Variants in ARHGAP42 observed in about 807,000 individuals in gnomAD.
ARHGAP42 encodes rho GTPase-activating protein 42.
In ARHGAP42, 63 loss-of-function variants were observed where a neutral mutation model predicts 125.0. That is an observed-to-expected ratio of 0.50 (90% CI 0.41 to 0.62). The LOEUF is 0.62. Ranked by LOEUF, ARHGAP42 falls within the 20% of genes least tolerant of loss-of-function variation. The pLI, the probability that ARHGAP42 is intolerant of heterozygous loss-of-function variation, is 0.00. For synonymous variants in ARHGAP42, 339 were observed against 351.0 expected, an observed-to-expected ratio of 0.97 and a Z score of 0.38; for missense variants, 766 against 1,024.2, an observed-to-expected ratio of 0.75 and a Z score of 3.44.
intron 1 of ARHGAP42, among the ~76,000 whole-genome samples, chr11:100,735,271 CA>C (rs1862042134): frequency 6.6e-6 from 1 of 152,208 alleles, no homozygotes; most frequent in Admixed American, 6.5e-5. Context: ...CCAATGCCAT[CA>C]GATAAATTCT....
chr11:100,717,101 G>A (rs1224523593), intron 1 of ARHGAP42, among the ~76,000 whole-genome samples: 1 of 152,170 alleles, frequency 6.6e-6, no homozygotes, highest in Non-Finnish European at 1.5e-5. Flanking sequence ...CCACGGAGAA[G>A]CAGTCTTGGT....
intron 1 of ARHGAP42, among the ~76,000 whole-genome samples, chr11:100,699,502 ATATATTTTTTTTTTTTTTTTTTTTTTTT>A (rs1214934352): frequency 4.9e-5 from 2 of 40,926 alleles, no homozygotes; most frequent in Non-Finnish European, 9.3e-5. Flanking sequence ...ATATATATAT[ATATATTTTTTTTTTTTTTTTTTTTTTTT>A]TTTTTTTTTG....
rs147262580 is a variant in ARHGAP42, at chr11:100,859,380, C to T, written c.313-174C>T. On this transcript the variant is annotated intron_variant, in intron 3 of 23. Coordinates refer to ENST00000298815, the MANE Select transcript of ARHGAP42 (RefSeq NM_152432.4). Reference sequence around the variant, plus strand: ...TGTTAGGATCAAGGGAAATAATATGCGAAAACAGCTTAATTATATAGTAGA... The same window carrying T: ...TGTTAGGATCAAGGGAAATAATATGTGAAAACAGCTTAATTATATAGTAGA... 2.2e-3 allele frequency: 1,020 copies of T among 456,146 alleles called. 10 individuals carry two copies. The highest frequency in any genetic ancestry group is 0.019 in the African/African-American group (910 of 48,880). The allele number at this position is 456,146 out of a possible 1,614,324, so 28.3% of individuals were successfully genotyped here.
intron 4 of ARHGAP42, among the ~76,000 whole-genome samples, chr11:100,882,142 G>A (rs997670800): frequency 6.6e-6 from 1 of 152,178 alleles, no homozygotes; most frequent in African/African-American, 2.4e-5. Flanking sequence ...AAGAGGAGTG[G>A]TGACAGTGGG....
Position 100,934,844 on chromosome 11 carries a change from T to G in ARHGAP42, c.703-1359T>G, listed in dbSNP as rs538594579. Among the ~76,000 whole-genome samples, 10 of 152,312 alleles carry G rather than the reference T, an allele frequency of 6.6e-5. No homozygotes were observed. In the South Asian group the frequency reaches 1.7e-3, roughly 25 times the overall value. ...GGGATTTATTCCCTTGTGTTTTGAG[T>G]TTTAGCTTTTATTTGACTTAGATTT... On this transcript the variant is annotated intron_variant, in intron 7 of 23. Transcript: ENST00000298815.
At chr11:100,971,562 A>C (rs1188718350) in intron 17 of ARHGAP42, among the ~76,000 whole-genome samples, 2 of 152,176 alleles carry the variant, frequency 1.3e-5, no homozygotes, top group East Asian at 3.9e-4. Context: ...TAAAAAGAAA[A>C]TCAGTCATTA....
rs1858342108 is a variant in ARHGAP42 at position 100,974,623 on chromosome 11, G to C, written c.1855+20G>C. 1 of 1,533,754 alleles carries C rather than the reference G, an allele frequency of 6.5e-7. No individual in the cohort carries two copies. Among genetic ancestry groups the C allele is most frequent in the South Asian group, 1.2e-5 (1 of 82,160 alleles). On this transcript the variant is annotated intron_variant, in intron 19 of 23. Transcript: ENST00000298815. ...CTGATAGTAAGTGCACCCGGCCTTA[G>C]GGAGATGCTTTCTTCATTCTTTGGT...
intron 8 of ARHGAP42, among the ~76,000 whole-genome samples, chr11:100,936,777 C>T (rs1867749307): frequency 2.0e-5 from 3 of 152,152 alleles, no homozygotes; most frequent in African/African-American, 7.2e-5. Flanking sequence ...GCGCTCTTTA[C>T]TTCCTGAGGT....
intron 16 of ARHGAP42, among the ~76,000 whole-genome samples, chr11:100,962,910 T>A (rs1035045432): frequency 1.3e-5 from 2 of 152,182 alleles, no homozygotes; most frequent in African/African-American, 4.8e-5. Context: ...GTTAATCTGA[T>A]ATTTAGTAAT....
intron 1 of ARHGAP42, among the ~76,000 whole-genome samples, chr11:100,717,418 A>T (rs531983941): frequency 6.6e-6 from 1 of 152,226 alleles, no homozygotes; most frequent in African/African-American, 2.4e-5. Context: ...CGGGCGGATC[A>T]CAAGGTCAGG....
chr11:100,881,542 C>G (rs1865962421), intron 4 of ARHGAP42, among the ~76,000 whole-genome samples: 1 of 151,894 alleles, frequency 6.6e-6, no homozygotes, highest in South Asian at 2.1e-4. Context: ...TTTGCTTAGT[C>G]TTGGTTTGGC....
chr11:100,875,073 G>GTCTCTCTCTCTC (rs143461552), intron 4 of ARHGAP42, among the ~76,000 whole-genome samples: 3 of 110,460 alleles, frequency 2.7e-5, no homozygotes, highest in African/African-American at 7.2e-5. Flanking sequence ...CTAATCCACT[G>GTCTCTCTCTCTC]TCTCTCTCTC....
chr11:100,868,121 G>A (rs1369425164), intron 4 of ARHGAP42, among the ~76,000 whole-genome samples: 1 of 152,136 alleles, frequency 6.6e-6, no homozygotes, highest in Non-Finnish European at 1.5e-5. Context: ...TATTATGAGA[G>A]TTAGAAAGTT....
At chr11:100,752,851 C>A (rs771661570) in intron 1 of ARHGAP42, among the ~76,000 whole-genome samples, 1 of 152,230 alleles carries the variant, frequency 6.6e-6, no homozygotes, top group Non-Finnish European at 1.5e-5. Flanking sequence ...CAAGTTTTCT[C>A]CTTCCTGGGT....
At chr11:100,882,631 T>A (rs111387056) in intron 4 of ARHGAP42, among the ~76,000 whole-genome samples, 1 of 152,132 alleles carries the variant, frequency 6.6e-6, no homozygotes, top group African/African-American at 2.4e-5. Context: ...ATTTAAGGAT[T>A]CCCTCTTTCT....
chr11:100,957,288 T>C (rs541056), intron 12 of ARHGAP42, among the ~76,000 whole-genome samples: 134,038 of 151,950 alleles, frequency 0.88, 59,210 homozygotes, highest in East Asian at 1. Context: ...ATAGCAGTGA[T>C]GTGTAGACAG....
At chr11:100,979,841 A>G (rs900618019) in intron 22 of ARHGAP42, among the ~76,000 whole-genome samples, 13 of 152,162 alleles carry the variant, frequency 8.5e-5, no homozygotes, top group South Asian at 8.3e-4. Flanking sequence ...TGAGCATCCA[A>G]TGTCTGGCTA....
chr11:100,705,287 C>T (rs1175180594), intron 1 of ARHGAP42, among the ~76,000 whole-genome samples: 9 of 152,190 alleles, frequency 5.9e-5, no homozygotes. Context: ...ATCATTAGAA[C>T]ATTTTAATGT....
chr11:100,843,395 G>A (rs1394224631), intron 3 of ARHGAP42, among the ~76,000 whole-genome samples: 4 of 151,962 alleles, frequency 2.6e-5, no homozygotes, highest in African/African-American at 4.8e-5. Flanking sequence ...ATTCTACCAA[G>A]ACAAGGATGC....
Sources: gnomAD v4.1 joint callset for allele counts (sites outside exome capture counted in the v4.1 genomes callset) on GRCh38, gnomAD v4.1.1 for gene constraint, MANE v1.5 for transcripts, NCBI Gene and HGNC (gene_info 2026-07-23, HGNC 2026-07-21) for gene names.